SYNE1: variants seen among roughly 807,000 people sequenced by gnomAD.
SYNE1 encodes spectrin repeat containing nuclear envelope protein 1, also known as nesprin-1.
A neutral mutation model predicts 1,111.0 loss-of-function variants in SYNE1; 616 were observed. That is an observed-to-expected ratio of 0.55 (90% confidence interval 0.52 to 0.59). SYNE1 has a LOEUF of 0.59. SYNE1 is among the 20% of genes least tolerant of loss of function. The pLI is 0.00. For synonymous variants in SYNE1, 3,855 were observed against 3,825.8 expected, an observed-to-expected ratio of 1.01 and a Z score of -0.28; for missense variants, 10,006 against 10,417.0, an observed-to-expected ratio of 0.96 and a Z score of 1.72.
rs1020242838 is a variant in SYNE1, at chr6:152,459,425, G to A, written c.2395-495C>T. Among the ~76,000 whole-genome samples the A allele has an allele frequency of 2.0e-5, 3 of 152,072 alleles. No individual in the cohort carries two copies. In the South Asian group the frequency reaches 6.2e-4, roughly 32 times the overall value. ...CTGTTGACTCACTCTTCCCAGACAG[G>A]CCTGTGCTTTCCTGCCTCCCACCAG... is the stretch of plus-strand genomic sequence containing the variant. On this transcript the variant is annotated intron_variant, in intron 21 of 145. Transcript: ENST00000367255.
chr6:152,592,986 G>A (rs753343616), intron 3 of SYNE1, among the ~76,000 whole-genome samples: 7 of 152,172 alleles, frequency 4.6e-5, no homozygotes, highest in African/African-American at 1.7e-4. Flanking sequence ...CTGACCACCC[G>A]CAACCCTGAA....
At position 152,330,956 on chromosome 6, in the gene SYNE1, A is replaced by G. The variant is rs756159016; in HGVS notation, c.13729T>C (p.Trp4577Arg). Reference sequence around the variant, plus strand: ...GTAACAATATCTGCTTGTTTTAGCCAGTGGCAAGCTTTATCAAAATCTTCC... The same window carrying G: ...GTAACAATATCTGCTTGTTTTAGCCGGTGGCAAGCTTTATCAAAATCTTCC... Reference protein sequence around the residue: ...FKEDFDKACHWLKQADIVTFP... With the variant: ...FKEDFDKACHRLKQADIVTFP... The change falls in exon 78 of 146, where the codon TGG (tryptophan) becomes CGG (arginine). Residue 4577 changes from tryptophan (W) to arginine (R), a missense_variant. Trp to Arg is a moderately radical substitution (Grantham distance 101). This residue lies in a region of SYNE1 where 4,955 missense variants were observed against 5,017.2 expected (regional missense o/e 0.99). Transcript: ENST00000367255. 1.9e-6 allele frequency: 3 copies of G among 1,614,212 alleles called. No individual in the cohort carries two copies. The highest frequency in any genetic ancestry group is 1.7e-6 in the Non-Finnish European group (2 of 1,180,034).
intron 3 of SYNE1, among the ~76,000 whole-genome samples, chr6:152,566,387 C>T (rs992908296): frequency 2.7e-5 from 4 of 150,900 alleles, no homozygotes; most frequent in African/African-American, 9.8e-5. Flanking sequence ...CAGGAAGAAA[C>T]AATACCAGCT....
chr6:152,136,460 C>T (rs2057097118), intron 141 of SYNE1, among the ~76,000 whole-genome samples, 158 bp downstream of exon 141: 1 of 152,176 alleles, frequency 6.6e-6, no homozygotes, highest in Admixed American at 6.5e-5. Context: ...AGAAATGCTC[C>T]AGTAAAATGA....
chr6:152,312,208 T>C (rs1189604168), intron 87 of SYNE1, among the ~76,000 whole-genome samples: 1 of 83,620 alleles, frequency 1.2e-5, no homozygotes, highest in Non-Finnish European at 2.3e-5. Context: ...GATATATTTA[T>C]CTTTTTTTTT....
intron 13 of SYNE1, 85 bp downstream of exon 13, chr6:152,484,750 C>CA: frequency 6.9e-7 from 1 of 1,441,240 alleles, no homozygotes; most frequent in Non-Finnish European, 9.6e-7. Context: ...AACCTGTTGC[C>CA]ATACCACTGT....
chr6:152,368,726 A>T, intron 61 of SYNE1: 1 of 528,686 alleles, frequency 1.9e-6, no homozygotes, highest in East Asian at 3.4e-5. Context: ...AATAATGAAG[A>T]CTGAAAGTCT....
intron 100 of SYNE1, 112 bp downstream of exon 100, chr6:152,267,944 T>C: frequency 1.1e-6 from 1 of 913,574 alleles, no homozygotes; most frequent in East Asian, 2.5e-5. Context: ...AAAAATAAGA[T>C]GACTAAATTT....
At chr6:152,160,402 C>A (rs1023661373) in intron 131 of SYNE1, among the ~76,000 whole-genome samples, 1 of 152,312 alleles carries the variant, frequency 6.6e-6, no homozygotes, top group East Asian at 1.9e-4. Context: ...TCCTAGAGCA[C>A]CCAGAGCCCC....
intron 3 of SYNE1, among the ~76,000 whole-genome samples, chr6:152,583,688 A>T (rs1260974156): frequency 1.3e-5 from 2 of 152,202 alleles, no homozygotes; most frequent in Non-Finnish European, 2.9e-5. Flanking sequence ...GCAGTGACTC[A>T]GATGAGCCTG....
intron 74 of SYNE1, among the ~76,000 whole-genome samples, chr6:152,340,336 A>G (rs539410819): frequency 1.3e-5 from 2 of 152,312 alleles, no homozygotes; most frequent in South Asian, 4.1e-4. Flanking sequence ...GCCCCTTACA[A>G]GGAGAGCTGA....
chr6:152,460,612 A>G (rs1426423135), intron 21 of SYNE1, among the ~76,000 whole-genome samples: 1 of 151,896 alleles, frequency 6.6e-6, no homozygotes, highest in African/African-American at 2.4e-5. Context: ...CTAGAAATTA[A>G]TTACCCAATC....
At chr6:152,615,131 ATT>A (rs1211630028) in intron 3 of SYNE1, among the ~76,000 whole-genome samples, 6 of 152,092 alleles carry the variant, frequency 3.9e-5, no homozygotes, top group Non-Finnish European at 7.4e-5. Flanking sequence ...AAAAAGAAAG[ATT>A]TTTTTCCATC....
At chr6:152,413,864 T>C (rs928871485) in intron 41 of SYNE1, among the ~76,000 whole-genome samples, 3 of 152,106 alleles carry the variant, frequency 2.0e-5, no homozygotes, top group South Asian at 4.1e-4. Context: ...GGTAAATACT[T>C]ATTGTAAAAT....
At chr6:152,511,253 C>A in intron 6 of SYNE1, 150 bp from the exon 7 acceptor site, 1 of 726,740 alleles carries the variant, frequency 1.4e-6, no homozygotes, top group Non-Finnish European at 2.3e-6. Flanking sequence ...GGCACCGAAA[C>A]AAACAAGCAC....
At chr6:152,352,525 C>T (rs1277091778) in intron 69 of SYNE1, among the ~76,000 whole-genome samples, 172 bp from the exon 70 acceptor site, 2 of 151,982 alleles carry the variant, frequency 1.3e-5, no homozygotes, top group African/African-American at 4.8e-5. Flanking sequence ...GCCTCAGCCT[C>T]CAAAGTAGCT....
chr6:152,435,923 G>T lies in SYNE1; in HGVS notation c.4310+18C>A. On this transcript the variant is annotated intron_variant, in intron 33 of 145. Coordinates refer to ENST00000367255, the MANE Select transcript of SYNE1 (RefSeq NM_182961.4). ...CTTTATCTCAGAGAAGAAAGTTTAGGACTTGTCAATCACATACTCTTCTTC... is the reference window on the plus strand; with the variant it reads ...CTTTATCTCAGAGAAGAAAGTTTAGTACTTGTCAATCACATACTCTTCTTC... The T allele has an allele frequency of 1.2e-6, 2 of 1,613,872 alleles. No homozygotes were observed. Among genetic ancestry groups the T allele is most frequent in the Non-Finnish European group, 1.7e-6 (2 of 1,179,900 alleles).
At chr6:152,256,589 A>G (rs370278601) in intron 102 of SYNE1, 45 bp downstream of exon 102, 6 of 1,611,388 alleles carry the variant, frequency 3.7e-6, no homozygotes, top group Non-Finnish European at 5.1e-6. Context: ...AAGCAAAACA[A>G]GACTCTTATA....
At chr6:152,607,266 G>T (rs893568486) in intron 3 of SYNE1, among the ~76,000 whole-genome samples, 2 of 152,020 alleles carry the variant, frequency 1.3e-5, no homozygotes, top group Admixed American at 6.5e-5. Flanking sequence ...TTACAGGCGT[G>T]AGCCACCACA....
Sources: allele counts gnomAD v4.1 joint callset (sites outside exome capture counted in the v4.1 genomes callset), GRCh38; gene constraint gnomAD v4.1.1; regional missense constraint gnomAD v4.1.1; transcripts MANE v1.5; gene names NCBI Gene and HGNC (gene_info 2026-07-23, HGNC 2026-07-21).